Variants in ANK2 observed in about 807,000 individuals in gnomAD.
ANK2 encodes ankyrin 2, also known as ankyrin-2.
In ANK2, 83 loss-of-function variants were observed where a neutral mutation model predicts 360.5. That is an observed-to-expected ratio of 0.23 (90% CI 0.19 to 0.28). The LOEUF (loss-of-function observed/expected upper bound fraction) is 0.28. ANK2 is among the 10% of genes least tolerant of loss of function. ANK2 has a pLI of 1.00. For missense variants in ANK2, 4,201 were observed against 4,795.7 expected, an observed-to-expected ratio of 0.88 and a Z score of 3.66; for synonymous variants, 1,740 against 1,759.5, an observed-to-expected ratio of 0.99 and a Z score of 0.28.
chr4:112,731,824 TC>T, the ANK2 span, among the ~76,000 whole-genome samples: 1 of 152,204 alleles, frequency 6.6e-6, no homozygotes, highest in Admixed American at 6.6e-5. Context: ...TCACTATGTT[TC>T]CTGGGCTAGA....
chr4:113,019,154 G>A (rs2057412391), intron 2 of ANK2, among the ~76,000 whole-genome samples: 1 of 152,040 alleles, frequency 6.6e-6, no homozygotes, highest in African/African-American at 2.4e-5. Context: ...ATAATCTACT[G>A]CTAGTGGTTT....
At chr4:112,787,070 C>T in the ANK2 span, among the ~76,000 whole-genome samples, 4 of 152,058 alleles carry the variant, frequency 2.6e-5, no homozygotes, top group Admixed American at 6.6e-5. Flanking sequence ...TTTTTATTCC[C>T]GCTATTCAAG....
At chr4:113,138,570 A>G (rs2096528334) in intron 1 of ANK2, among the ~76,000 whole-genome samples, 1 of 152,174 alleles carries the variant, frequency 6.6e-6, no homozygotes, top group Non-Finnish European at 1.5e-5. Flanking sequence ...TGCTGCCTGG[A>G]AGTGTATTTT....
intron 1 of ANK2, among the ~76,000 whole-genome samples, chr4:113,074,534 G>A (rs1307872011): frequency 2.0e-5 from 3 of 152,180 alleles, no homozygotes; most frequent in African/African-American, 7.2e-5. Flanking sequence ...ATATGCAAAG[G>A]ACACTGTTTT....
At chr4:113,248,709 G>C (rs894659100) in intron 9 of ANK2, among the ~76,000 whole-genome samples, 1 of 152,128 alleles carries the variant, frequency 6.6e-6, no homozygotes, top group Non-Finnish European at 1.5e-5. Flanking sequence ...GATGGTCCTG[G>C]AAGTAGAGAC....
Position 112,819,319 on chromosome 4 carries a change from G to C in ANK2, c.-40+1055G>C, listed in dbSNP as rs1338854883. ...ATGGTGTCCCCTTGAGGGATAATAGGCAAATAATTAGGCTATGTCTTTAAG... is the reference window on the plus strand; with the variant it reads ...ATGGTGTCCCCTTGAGGGATAATAGCCAAATAATTAGGCTATGTCTTTAAG... On this transcript the variant is annotated intron_variant, in intron 1 of 30. Coordinates refer to the ANK2 transcript ENST00000503271. Among the ~76,000 whole-genome samples the C allele has an allele frequency of 2.6e-5, 4 of 152,140 alleles. No individual in the cohort carries two copies. In the East Asian group the frequency reaches 7.7e-4, roughly 29 times the overall value.
the ANK2 span, chr4:112,788,356 T>C: frequency 1.3e-6 from 2 of 1,552,704 alleles, no homozygotes; most frequent in South Asian, 2.3e-5. Context: ...GGACCACCAT[T>C]TTACGACATA....
chr4:113,019,111 A>T (rs2057400384), intron 2 of ANK2, among the ~76,000 whole-genome samples: 1 of 152,222 alleles, frequency 6.6e-6, no homozygotes, highest in Admixed American at 6.5e-5. Flanking sequence ...AGATACAGGT[A>T]TGTTCAGGTT....
At position 112,843,311 on chromosome 4, in the gene ANK2, C is replaced by T. The variant is rs1243829706; in HGVS notation, c.-40+25047C>T. 2.6e-5 allele frequency among the ~76,000 whole-genome samples: 4 copies of T among 152,114 alleles called. 1 individual carries two copies. The highest frequency in any genetic ancestry group is 6.6e-5 in the Admixed American group (1 of 15,266). On this transcript the variant is annotated intron_variant, in intron 1 of 30. Transcript: ENST00000503271. ...AATTTATATTAAATTAGCACTTCTTCCTCAACTCTTTTTTTCTGTTTTCAT... is the reference window on the plus strand; with the variant it reads ...AATTTATATTAAATTAGCACTTCTTTCTCAACTCTTTTTTTCTGTTTTCAT...
chr4:113,219,465 A>G (rs1003480200), intron 4 of ANK2, among the ~76,000 whole-genome samples: 1 of 152,008 alleles, frequency 6.6e-6, no homozygotes, highest in East Asian at 1.9e-4. Context: ...AATAAACTTA[A>G]TATTTCTATT....
At chr4:112,792,782 A>G in the ANK2 span, among the ~76,000 whole-genome samples, 18 of 152,330 alleles carry the variant, frequency 1.2e-4, no homozygotes, top group Admixed American at 3.3e-4. Flanking sequence ...TTTTAGAAAC[A>G]TGGAGAAACA....
chr4:113,164,394 G>A (rs563057422), intron 1 of ANK2, among the ~76,000 whole-genome samples: 2 of 152,324 alleles, frequency 1.3e-5, no homozygotes, highest in East Asian at 1.9e-4. Context: ...AATAGTCTCC[G>A]TAGTTTAAGT....
the ANK2 span, among the ~76,000 whole-genome samples, chr4:112,778,395 C>T: frequency 2.0e-5 from 3 of 151,866 alleles, no homozygotes; most frequent in Non-Finnish European, 4.4e-5. Context: ...TGGTCTTGAA[C>T]CCCCAACCTC....
chr4:113,236,934 A>G lies in ANK2; in HGVS notation c.484-53A>G. 1.9e-6 allele frequency: 3 copies of G among 1,562,498 alleles called. No homozygotes were observed. In the South Asian group the frequency reaches 3.3e-5, roughly 17 times the overall value. The stretch of plus-strand genomic sequence containing the variant: ...TAGAGGCATCATTGCTTAGAACTAA[A>G]TCTCTAGCATCTGAAGATGTTAACA... On this transcript the variant is annotated intron_variant, in intron 5 of 45. Coordinates refer to ENST00000357077, the MANE Select transcript of ANK2 (RefSeq NM_001148.6).
chr4:112,869,928 C>T (rs942381995), intron 1 of ANK2, among the ~76,000 whole-genome samples: 1 of 152,032 alleles, frequency 6.6e-6, no homozygotes, highest in African/African-American at 2.4e-5. Flanking sequence ...GTGATCCACC[C>T]ACCTTGGCCT....
chr4:113,256,017 A>G lies in ANK2; in HGVS notation c.1188+85A>G, dbSNP rs2049114599. 7.5e-6 allele frequency: 11 copies of G among 1,465,226 alleles called. No individual in the cohort carries two copies. The South Asian group carries it at 1.0e-4, about 14-fold the overall frequency. 90.8% of individuals were successfully genotyped at this position (1,465,226 alleles called of 1,614,324 possible). On this transcript the variant is annotated intron_variant, in intron 11 of 45. Transcript: ENST00000357077. ...ATTGACCAACATGCATACACCAGCA[A>G]TGCAAGGTTACAGATATGTAGTTAA...
rs2035770633 is a variant in ANK2, at chr4:112,963,408, A to G, written c.21+58894A>G. 2.0e-5 allele frequency among the ~76,000 whole-genome samples: 3 copies of G among 152,314 alleles called. 1 individual carries two copies. The Middle Eastern group carries it at 0.01, about 518-fold the overall frequency. On this transcript the variant is annotated intron_variant, in intron 2 of 30. Coordinates refer to the ANK2 transcript ENST00000503271. ...TAATAGTCAAAACAGCATAGCATCA[A>G]AGGTAATTACAGCTCTTAGGTTGAG...
chr4:112,812,196 A>T, the ANK2 span, among the ~76,000 whole-genome samples: 2 of 120,734 alleles, frequency 1.7e-5, no homozygotes, highest in Non-Finnish European at 3.4e-5. Flanking sequence ...TATAATAGTT[A>T]CCTCAATGAG....
chr4:113,231,336 G>T (rs952663277), intron 4 of ANK2, among the ~76,000 whole-genome samples: 1 of 152,076 alleles, frequency 6.6e-6, no homozygotes, highest in Admixed American at 6.6e-5. Flanking sequence ...ACAGGCGTGA[G>T]CCACCACACC....
Sources: gnomAD v4.1 joint callset for allele counts (sites outside exome capture counted in the v4.1 genomes callset) on GRCh38, gnomAD v4.1.1 for gene constraint, MANE v1.5 for transcripts, NCBI Gene and HGNC (gene_info 2026-07-23, HGNC 2026-07-21) for gene names.